Variants in SPMIP2 observed in about 807,000 individuals in gnomAD.
The protein encoded by SPMIP2 is protein SPMIP2.
At chr4:159,029,683 G>A in the SPMIP2 span, among the ~76,000 whole-genome samples, 1 of 152,190 alleles carries the variant, frequency 6.6e-6, no homozygotes, top group Non-Finnish European at 1.5e-5. Context: ...TTATTTCTCA[G>A]GGTTTTTGGA....
At chr4:159,037,112 T>C in the SPMIP2 span, among the ~76,000 whole-genome samples, 1 of 152,180 alleles carries the variant, frequency 6.6e-6, no homozygotes, top group Non-Finnish European at 1.5e-5. Context: ...TTGGAGGACT[T>C]CCCATTAACA....
At chr4:158,936,521 G>A in the SPMIP2 span, among the ~76,000 whole-genome samples, 2 of 152,190 alleles carry the variant, frequency 1.3e-5, no homozygotes, top group Admixed American at 6.5e-5. Flanking sequence ...CAGTGGTACC[G>A]ATTTCTGCTC....
the SPMIP2 span, among the ~76,000 whole-genome samples, chr4:158,995,518 T>C: frequency 1.3e-5 from 2 of 152,160 alleles, no homozygotes; most frequent in East Asian, 3.8e-4. Context: ...GGCCTCTGTT[T>C]TTCTGGCCTC....
chr4:158,947,743 G>A, the SPMIP2 span, among the ~76,000 whole-genome samples: 28 of 151,822 alleles, frequency 1.8e-4, no homozygotes, highest in Admixed American at 2.6e-4. Context: ...TGGAAAAGAC[G>A]AAAGAAATAA....
chr4:158,917,551 G>A, the SPMIP2 span, among the ~76,000 whole-genome samples: 1 of 151,836 alleles, frequency 6.6e-6, no homozygotes, highest in Non-Finnish European at 1.5e-5. Flanking sequence ...GCTGCACTCT[G>A]AGCAAAAGAC....
At chr4:159,038,413 C>T in the SPMIP2 span, among the ~76,000 whole-genome samples, 5 of 152,108 alleles carry the variant, frequency 3.3e-5, no homozygotes, top group Non-Finnish European at 4.4e-5. Context: ...CTTTCATGTG[C>T]GTCAGGGCCA....
chr4:158,951,567 C>T, the SPMIP2 span, among the ~76,000 whole-genome samples: 16 of 152,108 alleles, frequency 1.1e-4, no homozygotes, highest in East Asian at 5.8e-4. Context: ...CCCCATTTTA[C>T]GACTAAGTCA....
the SPMIP2 span, among the ~76,000 whole-genome samples, chr4:159,053,199 G>T: frequency 6.6e-6 from 1 of 151,490 alleles, no homozygotes; most frequent in African/African-American, 2.4e-5. Flanking sequence ...CTCGTGATCC[G>T]CCCGCCTCGG....
chr4:159,042,984 A>C, the SPMIP2 span, among the ~76,000 whole-genome samples: 1 of 150,648 alleles, frequency 6.6e-6, no homozygotes, highest in African/African-American at 2.4e-5. Context: ...TGATTTTAAA[A>C]CTCCTCTACT....
the SPMIP2 span, among the ~76,000 whole-genome samples, chr4:158,969,968 A>G: frequency 1.3e-5 from 2 of 151,844 alleles, no homozygotes; most frequent in African/African-American, 4.9e-5. Flanking sequence ...AAGGGTCTAT[A>G]GACAGATAAG....
At chr4:159,052,779 G>A in the SPMIP2 span, among the ~76,000 whole-genome samples, 2 of 150,334 alleles carry the variant, frequency 1.3e-5, no homozygotes, top group Non-Finnish European at 3.0e-5. Flanking sequence ...AATTACAGGC[G>A]CCTGCCACCA....
the SPMIP2 span, among the ~76,000 whole-genome samples, chr4:158,898,456 C>T: frequency 6.6e-6 from 1 of 152,274 alleles, no homozygotes; most frequent in African/African-American, 2.4e-5. Flanking sequence ...AATATTGATT[C>T]TTCCTATCCA....
the SPMIP2 span, among the ~76,000 whole-genome samples, chr4:158,899,649 T>C: frequency 6.6e-6 from 1 of 152,248 alleles, no homozygotes; most frequent in African/African-American, 2.4e-5. Context: ...GAGGTGTTTA[T>C]AGTATTCTCT....
At chr4:159,019,182 A>G in the SPMIP2 span, among the ~76,000 whole-genome samples, 1 of 151,206 alleles carries the variant, frequency 6.6e-6, no homozygotes, top group Non-Finnish European at 1.5e-5. Flanking sequence ...GCTTCACAAG[A>G]AAGTTTCTGC....
chr4:158,977,288 T>G, the SPMIP2 span, among the ~76,000 whole-genome samples: 1 of 152,188 alleles, frequency 6.6e-6, no homozygotes, highest in African/African-American at 2.4e-5. Flanking sequence ...TATTGGTCTG[T>G]TCAGGGATTC....
the SPMIP2 span, among the ~76,000 whole-genome samples, chr4:159,037,991 C>T: frequency 2.0e-5 from 3 of 152,060 alleles, no homozygotes; most frequent in Admixed American, 6.6e-5. Flanking sequence ...TTCTCTCTCT[C>T]TCTCTCTCTC....
At chr4:158,976,455 G>A in the SPMIP2 span, among the ~76,000 whole-genome samples, 11 of 151,948 alleles carry the variant, frequency 7.2e-5, no homozygotes, top group African/African-American at 2.2e-4. Flanking sequence ...TTTTGAATAC[G>A]TTTCATCAAT....
chr4:159,047,700 T>C, the SPMIP2 span, among the ~76,000 whole-genome samples: 1 of 152,208 alleles, frequency 6.6e-6, no homozygotes, highest in East Asian at 1.9e-4. Flanking sequence ...AAACAAGCTC[T>C]GCAGAAAAGT....
the SPMIP2 span, among the ~76,000 whole-genome samples, chr4:159,077,181 C>T: frequency 2.0e-5 from 3 of 151,590 alleles, no homozygotes; most frequent in Non-Finnish European, 2.9e-5. Flanking sequence ...GCTCTTGTTG[C>T]GCAGGCTGGA....
Sources: gnomAD v4.1 joint callset for allele counts (sites outside exome capture counted in the v4.1 genomes callset) on GRCh38, gnomAD v4.1.1 for gene constraint, MANE v1.5 for transcripts, NCBI Gene and HGNC (gene_info 2026-07-23, HGNC 2026-07-21) for gene names.